RNF38: variants seen among roughly 807,000 people sequenced by gnomAD.
RNF38 encodes the protein E3 ubiquitin-protein ligase RNF38.
Under a neutral mutation model 67.2 loss-of-function variants are expected in RNF38, and 15 were observed. The ratio of observed to expected loss-of-function variants is 0.22; its 90% CI spans 0.15 to 0.34. The LOEUF (loss-of-function observed/expected upper bound fraction) is 0.34, where lower values mean the gene tolerates loss of function less well. Ranked by LOEUF, RNF38 falls within the 10% of genes least tolerant of loss-of-function variation. The probability of loss-of-function intolerance (pLI) is 1.00; values close to 1 mark genes in which losing one functional copy is unlikely to be tolerated. For synonymous variants in RNF38, 220 were observed against 218.8 expected, an observed-to-expected ratio of 1.01 and a Z score of -0.05; for missense variants, 524 against 639.9, an observed-to-expected ratio of 0.82 and a Z score of 1.95.
intron 1 of RNF38, among the ~76,000 whole-genome samples, chr9:36,435,222 C>T (rs912067217): frequency 2.0e-5 from 3 of 152,044 alleles, no homozygotes; most frequent in Non-Finnish European, 2.9e-5. Context: ...ATGCTTTTTC[C>T]TATTTTTAAA....
chr9:36,351,180 G>C lies in RNF38; in HGVS notation c.1198C>G (p.Pro400Ala). The C allele has an allele frequency of 6.2e-7, 1 of 1,612,580 alleles. No individual in the cohort carries two copies. Among genetic ancestry groups the C allele is most frequent in the Non-Finnish European group, 8.5e-7 (1 of 1,179,160 alleles). Residue 400 changes from proline to alanine, a missense_variant, in exon 9 of 12, where the codon CCT becomes GCT. Pro to Ala is a conservative substitution (Grantham distance 27). Coordinates refer to ENST00000259605, the MANE Select transcript of RNF38 (RefSeq NM_022781.5). ...AAGCTGAAAGTTGGGCCCACTGCAG[G>C]TGGCACTGGAAGCATTGATCTGCAG... is the stretch of plus-strand genomic sequence containing the variant. Reference protein sequence around the residue: ...PYVLSMLPVPPAVGPTFSFEL... With the variant: ...PYVLSMLPVPAAVGPTFSFEL...
intron 1 of RNF38, among the ~76,000 whole-genome samples, chr9:36,428,143 G>A (rs1034630508): frequency 2.6e-4 from 39 of 151,912 alleles, no homozygotes; most frequent in African/African-American, 9.4e-4. Flanking sequence ...GAGGCCAGGC[G>A]CGGTGGCTCA....
At chr9:36,387,117 T>C (rs1164803255) in intron 2 of RNF38, among the ~76,000 whole-genome samples, 1 of 152,172 alleles carries the variant, frequency 6.6e-6, no homozygotes, top group East Asian at 1.9e-4. Flanking sequence ...ACCTTGTCTA[T>C]AAATGAGGCA....
At chr9:36,432,566 G>A (rs1460131655) in intron 1 of RNF38, among the ~76,000 whole-genome samples, 6 of 152,148 alleles carry the variant, frequency 3.9e-5, no homozygotes, top group South Asian at 2.1e-4. Context: ...AGAGGCGGGC[G>A]GGCGGATCAC....
At chr9:36,406,078 A>G (rs1175124801), upstream of RNF38, among the ~76,000 whole-genome samples, 1 of 152,166 alleles carries the variant, frequency 6.6e-6, no homozygotes, top group Non-Finnish European at 1.5e-5. Context: ...TTTATCAAAT[A>G]TCTGTTTCCT....
intron 1 of RNF38, among the ~76,000 whole-genome samples, chr9:36,463,838 T>C (rs1839794457): frequency 6.6e-6 from 1 of 152,174 alleles, no homozygotes; most frequent in Admixed American, 6.5e-5. Context: ...TAGCTCACAC[T>C]TACTCTTTTG....
At chr9:36,433,967 G>C (rs1057006905) in intron 1 of RNF38, among the ~76,000 whole-genome samples, 3 of 151,750 alleles carry the variant, frequency 2.0e-5, no homozygotes, top group African/African-American at 7.3e-5. Context: ...GGCCAGGCGC[G>C]GTGGCTCATG....
At chr9:36,399,357 T>C (rs1331330237) in intron 1 of RNF38, among the ~76,000 whole-genome samples, 3 of 152,010 alleles carry the variant, frequency 2.0e-5, no homozygotes, top group Admixed American at 2.0e-4. Context: ...CTTATTCAAC[T>C]ATAGGCGCTA....
chr9:36,467,304 T>C (rs1349996951), intron 1 of RNF38, among the ~76,000 whole-genome samples: 2 of 148,066 alleles, frequency 1.4e-5, no homozygotes, highest in Non-Finnish European at 3.0e-5. Context: ...AGTGAAATTA[T>C]CTTTTCCAAC....
chr9:36,385,503 C>G (rs1284242295), intron 2 of RNF38, among the ~76,000 whole-genome samples: 1 of 152,136 alleles, frequency 6.6e-6, no homozygotes, highest in South Asian at 2.1e-4. Context: ...CTCAGCCTCC[C>G]GAGTAGCAGG....
chr9:36,473,089 G>A (rs1225064433), intron 1 of RNF38, among the ~76,000 whole-genome samples: 4 of 150,544 alleles, frequency 2.7e-5, no homozygotes, highest in African/African-American at 9.8e-5. Context: ...CCAAGATCAC[G>A]CCATTGCACT....
At chr9:36,364,755 G>A (rs1834816926) in intron 4 of RNF38, among the ~76,000 whole-genome samples, 1 of 152,094 alleles carries the variant, frequency 6.6e-6, no homozygotes, top group Non-Finnish European at 1.5e-5. Context: ...TCACCTGGAG[G>A]GCATGGTAAA....
intron 1 of RNF38, among the ~76,000 whole-genome samples, chr9:36,473,203 A>G (rs1379362438): frequency 2.6e-5 from 4 of 151,156 alleles, no homozygotes; most frequent in Non-Finnish European, 5.9e-5. Flanking sequence ...GGGGGTGCCT[A>G]TAGTTCCAGC....
chr9:36,345,055 G>A, intron 9 of RNF38, 102 bp from the exon 10 acceptor site: 1 of 1,256,294 alleles, frequency 8.0e-7, no homozygotes, highest in East Asian at 2.5e-5. Context: ...GCCCAGGCTA[G>A]AGTATAGCGG....
intron 5 of RNF38, 98 bp from the exon 6 acceptor site, chr9:36,356,571 C>A: frequency 1.0e-6 from 1 of 989,230 alleles, no homozygotes; most frequent in South Asian, 2.0e-5. Context: ...CACACCTCTC[C>A]CAAAATCATG....
chr9:36,409,012 C>T (rs1207316019), intron 2 of RNF38, among the ~76,000 whole-genome samples: 1 of 152,134 alleles, frequency 6.6e-6, no homozygotes, highest in Non-Finnish European at 1.5e-5. Flanking sequence ...CATGGTAAAA[C>T]CCTCTCTCTA....
In RNF38 at chr9:36,355,949, C is replaced by G. The variant is rs531213448; in HGVS notation, c.909+354G>C. ...GCAACCTCTGCCTCCTGGATTCAAG[C>G]GATTCTCATGTCTCATCCTCCTGAG... On this transcript the variant is annotated intron_variant, in intron 6 of 11. Coordinates refer to ENST00000259605, the MANE Select transcript of RNF38 (RefSeq NM_022781.5). 2.0e-5 allele frequency among the ~76,000 whole-genome samples: 3 copies of G among 152,184 alleles called. No homozygotes were observed. The South Asian group carries it at 6.2e-4, about 32-fold the overall frequency.
intron 1 of RNF38, among the ~76,000 whole-genome samples, chr9:36,394,039 G>A (rs1837341780): frequency 6.6e-6 from 1 of 152,196 alleles, no homozygotes. Context: ...CACTTTGGGA[G>A]GCCGAGGCGG....
At chr9:36,381,005 T>C (rs950699506) in intron 2 of RNF38, among the ~76,000 whole-genome samples, 1 of 152,166 alleles carries the variant, frequency 6.6e-6, no homozygotes. Flanking sequence ...GAAAAAGTCA[T>C]TCCAGTGGAA....
Sources: gnomAD v4.1 joint callset for allele counts (sites outside exome capture counted in the v4.1 genomes callset) on GRCh38, gnomAD v4.1.1 for gene constraint, MANE v1.5 for transcripts, NCBI Gene and HGNC (gene_info 2026-07-23, HGNC 2026-07-21) for gene names.